Variants in IL17RC observed in about 807,000 individuals in gnomAD.
IL17RC encodes interleukin-17 receptor C.
Under a neutral mutation model 86.7 loss-of-function variants are expected in IL17RC, and 53 were observed. The ratio of observed to expected loss-of-function variants is 0.61; its 90% confidence interval spans 0.49 to 0.77. The LOEUF (loss-of-function observed/expected upper bound fraction) is 0.77, where lower values mean the gene tolerates loss of function less well. IL17RC is among the 30% of genes least tolerant of loss of function. The pLI is 0.00. For synonymous variants in IL17RC, 439 were observed against 413.1 expected (o/e 1.06, Z -0.76); for missense variants, 957 against 940.0 (o/e 1.02, Z -0.24).
chr3:9,924,074 A>G, intron 8 of IL17RC, 54 bp downstream of exon 8: 1 of 1,611,306 alleles, frequency 6.2e-7, no homozygotes, highest in Admixed American at 1.7e-5. Flanking sequence ...TGCCTGTGCA[A>G]AGGACGCAGT....
At chr3:9,928,266 G>A (rs201548076) in intron 10 of IL17RC, 39 bp from the exon 11 acceptor site, 69 of 1,613,852 alleles carry the variant, frequency 4.3e-5, no homozygotes, top group Non-Finnish European at 5.7e-5. Context: ...TGCGAGCGAT[G>A]GGTACCTGGC....
rs1474445845 is a variant in IL17RC at position 9,930,462 on chromosome 3, G to A, written c.1338+3G>A. 2.5e-6 allele frequency: 4 copies of A among 1,613,748 alleles called. No individual in the cohort carries two copies. Among genetic ancestry groups the A allele is most frequent in the South Asian group, 1.1e-5 (1 of 91,060 alleles). On this transcript the variant is annotated splice_donor_region_variant and intron_variant, in intron 15 of 18. Transcript: ENST00000403601. This position sits in a 1 kb window ranked among gnomAD's most constrained non-coding sequence, Gnocchi z 5.8. The stretch of plus-strand genomic sequence containing the variant: ...TGCAGTCAGGCCAGTGTCTGCAGGT[G>A]AGCTGGTGGAAGAAGGGCCCCACCT...
In IL17RC at chr3:9,933,003, G is replaced by A. The variant is rs1193995260; in HGVS notation, c.1573G>A (p.Gly525Ser). 6.4e-7 allele frequency: 1 copy of A among 1,570,782 alleles called. No individual in the cohort carries two copies. The highest frequency in any genetic ancestry group is 8.6e-7 in the Non-Finnish European group (1 of 1,166,500). ...ALLLYSADDS[G>S]FERLVGALAS... ...GCTCCTCTACTCAGCCGATGACTCG[G>A]GTTTCGAGCGCCTGGTGGGCGCCCT... Residue 525 changes from glycine (G) to serine (S), a missense_variant, in exon 19 of 19, where the codon GGT becomes AGT. Transcript: ENST00000403601.
At chr3:9,924,087 C>T in intron 8 of IL17RC, 67 bp downstream of exon 8, 1 of 1,610,786 alleles carries the variant, frequency 6.2e-7, no homozygotes, top group Non-Finnish European at 8.5e-7. Flanking sequence ...GACGCAGTGC[C>T]ATATCAGAGA....
At chr3:9,929,985 G>C (rs1486360545) in intron 13 of IL17RC, 43 bp from the exon 14 acceptor site, 2 of 1,613,620 alleles carry the variant, frequency 1.2e-6, no homozygotes, top group African/African-American at 2.7e-5. Flanking sequence ...GCCAATCCCA[G>C]CAAGGATGGG....
At chr3:9,925,205 T>C (rs1270599430) in intron 9 of IL17RC, among the ~76,000 whole-genome samples, 2 of 97,572 alleles carry the variant, frequency 2.0e-5, no homozygotes, top group East Asian at 5.6e-4. Flanking sequence ...AAGCTGCTTC[T>C]CCTGGGTTCA....
Position 9,926,325 on chromosome 3 carries a change from C to G in IL17RC, c.823-1841C>G, listed in dbSNP as rs781129595. Among the ~76,000 whole-genome samples the G allele has an allele frequency of 7.9e-5, 12 of 152,144 alleles. 1 individual carries two copies. The highest frequency in any genetic ancestry group is 1.3e-4 in the Non-Finnish European group (9 of 68,034). On this transcript the variant is annotated intron_variant, in intron 9 of 18. Coordinates refer to ENST00000403601, the MANE Select transcript of IL17RC (RefSeq NM_153460.4). ...GGGATTACAGGCGTGAGCCACTGTG[C>G]CCAGCCTGTTTTCATTTTTTAATGT... is the stretch of plus-strand genomic sequence containing the variant.
At position 9,917,428 on chromosome 3, in the gene IL17RC, T is replaced by A; in HGVS notation, c.105+8T>A. The A allele has an allele frequency of 6.2e-7, 1 of 1,614,196 alleles. No homozygotes were observed. Among genetic ancestry groups the A allele is most frequent in the South Asian group, 1.1e-5 (1 of 91,090 alleles). The stretch of plus-strand genomic sequence containing the variant: ...GCTACCCACTGCTCTCCGGTGAGTC[T>A]GGAACCCTGGGGAGACGAGGAAAGG... On this transcript the variant is annotated splice_region_variant and intron_variant, in intron 1 of 18. Coordinates refer to ENST00000403601, the MANE Select transcript of IL17RC (RefSeq NM_153460.4).
intron 9 of IL17RC, among the ~76,000 whole-genome samples, chr3:9,925,806 T>C (rs977519624): frequency 3.3e-5 from 5 of 151,962 alleles, no homozygotes; most frequent in Non-Finnish European, 7.4e-5. Flanking sequence ...CAAATCCCCT[T>C]GCACTTCTAT....
At chr3:9,918,308 C>T in intron 3 of IL17RC, 27 bp from the exon 4 acceptor site, 1 of 1,554,890 alleles carries the variant, frequency 6.4e-7, no homozygotes, top group East Asian at 2.4e-5. Flanking sequence ...GGGCCTCACC[C>T]AGGGCCTTGC....
rs747911271 is a variant in IL17RC, at chr3:9,933,471, G to A, written c.2041G>A (p.Ala681Thr). The A allele has an allele frequency of 4.3e-6, 7 of 1,612,576 alleles. No individual in the cohort carries two copies. The East Asian group carries it at 6.7e-5, about 15-fold the overall frequency. ...APRSGRLQER[A>T]EQVSRALQPA... ...GCGTTCCGGGCGGCTCCAAGAGAGAGCGGAGCAAGTGTCCCGGGCCCTTCA... is the reference window on the plus strand; with the variant it reads ...GCGTTCCGGGCGGCTCCAAGAGAGAACGGAGCAAGTGTCCCGGGCCCTTCA... The change falls in exon 19 of 19, where the codon GCG (alanine) becomes ACG (threonine). Residue 681 changes from alanine (A) to threonine (T), a missense_variant. By Grantham distance (58) the Ala-to-Thr change is moderately conservative (BLOSUM62 0). Transcript: ENST00000403601.
In IL17RC at chr3:9,920,992, C is replaced by T. The variant is rs374961918; in HGVS notation, c.622+23C>T. 866 of 856,036 alleles carry T rather than the reference C, an allele frequency of 1.0e-3. 2 individuals carry two copies. Among genetic ancestry groups the T allele is most frequent in the Non-Finnish European group, 1.4e-3 (799 of 564,750 alleles). The allele number at this position is 856,036 out of a possible 1,614,324, so 53.0% of individuals were successfully genotyped here. ...GGGGTAGGGGCTAGGGCCAGTGGGC[C>T]GGGGGTAGGGAGGGGCAGGGTCTGG... On this transcript the variant is annotated intron_variant, in intron 7 of 18. Transcript: ENST00000403601.
chr3:9,926,762 AC>A (rs2084118652), intron 9 of IL17RC, among the ~76,000 whole-genome samples: 1 of 152,092 alleles, frequency 6.6e-6, no homozygotes, highest in Admixed American at 6.5e-5. Context: ...AGCTGGGACT[AC>A]AAGTGCATGC....
At chr3:9,924,172 T>C (rs778145350) in intron 8 of IL17RC, 60 bp from the exon 9 acceptor site, 44 of 1,610,646 alleles carry the variant, frequency 2.7e-5, no homozygotes, top group Admixed American at 1.3e-4. Context: ...TTTCCTTGAC[T>C]TTGGCCTCCT....
Position 9,920,716 on chromosome 3 carries a change from A to G in IL17RC, c.577+114A>G, listed in dbSNP as rs1397056698. On this transcript the variant is annotated intron_variant, in intron 6 of 18. Coordinates refer to ENST00000403601, the MANE Select transcript of IL17RC (RefSeq NM_153460.4). ...CTCTCCGGCAGGGGTCTGAGCTGCT[A>G]TCCTCCCCAGAGTCAGTCCCTCGGA... is the stretch of plus-strand genomic sequence containing the variant. 8.6e-6 allele frequency: 7 copies of G among 817,222 alleles called. No individual in the cohort carries two copies. In the South Asian group the frequency reaches 9.3e-5, roughly 11 times the overall value. The allele number at this position is 817,222 out of a possible 1,614,324, so 50.6% of individuals were successfully genotyped here. A position where few individuals can be genotyped will look rare whatever the true frequency, so the allele number is the denominator to read the frequency against.
chr3:9,920,562 C>T lies in IL17RC; in HGVS notation c.537C>T (p.Pro179=). Residue 179 remains proline (P), a synonymous_variant, in exon 6 of 19, where the codon CCC becomes CCT. Coordinates refer to ENST00000403601, the MANE Select transcript of IL17RC (RefSeq NM_153460.4). The part of the protein sequence containing the change: ...SEVRIWSYTQ[P]RYEKELNHTQ... ...TACGAATCTGGTCCTATACTCAGCC[C>T]AGGTACGAGAAGGAACTCAACCACA... 6.2e-7 allele frequency: 1 copy of T among 1,608,422 alleles called. No homozygotes were observed. The highest frequency in any genetic ancestry group is 1.1e-5 in the South Asian group (1 of 89,922).
rs765581596 is a variant in IL17RC at position 9,928,502 on chromosome 3, G to A, written c.1059+16G>A. ...CACTGTGGACGTAAGTGAAGCAGAG[G>A]GCACCTCCCGTGGTGAGGGGAGAGT... On this transcript the variant is annotated intron_variant, in intron 11 of 18. Transcript: ENST00000403601. 5.0e-6 allele frequency: 8 copies of A among 1,613,174 alleles called. No individual in the cohort carries two copies. In the South Asian group the frequency reaches 5.5e-5, roughly 11 times the overall value.
In IL17RC at chr3:9,928,300, T is replaced by C. The variant is rs200128494; in HGVS notation, c.878-5T>C. The C allele has an allele frequency of 5.5e-5, 89 of 1,610,336 alleles. No homozygotes were observed. Among genetic ancestry groups the C allele is most frequent in the East Asian group, 2.5e-4 (11 of 44,770 alleles). On this transcript the variant is annotated splice_polypyrimidine_tract_variant and splice_region_variant and intron_variant, in intron 10 of 18. Transcript: ENST00000403601. ...GCCTGCGGTGACTGTGCCCTTTCCT[T>C]GCAGACCCCCGCGCACACCAGAACC...
chr3:9,918,097 A>G (rs1455856320), intron 3 of IL17RC, 22 bp downstream of exon 3: 1 of 1,559,204 alleles, frequency 6.4e-7, no homozygotes, highest in South Asian at 1.2e-5. Flanking sequence ...ATCCTGTGAC[A>G]GTGCATGTGT....
Sources: allele counts gnomAD v4.1 joint callset (sites outside exome capture counted in the v4.1 genomes callset), GRCh38; gene constraint gnomAD v4.1.1; non-coding constraint Gnocchi (gnomAD v3.1); transcripts MANE v1.5; gene names NCBI Gene and HGNC (gene_info 2026-07-23, HGNC 2026-07-21).